Variants in RPN1 observed in about 807,000 individuals in gnomAD.
RPN1 encodes the protein ribophorin I.
In RPN1, 12 loss-of-function variants were observed where a neutral mutation model predicts 55.5. That is an observed-to-expected ratio of 0.22 (90% CI 0.14 to 0.35). The LOEUF (loss-of-function observed/expected upper bound fraction) is 0.35. Ranked by LOEUF, RPN1 falls within the 10% of genes least tolerant of loss-of-function variation. The probability of loss-of-function intolerance (pLI) is 1.00; values close to 1 mark genes in which losing one functional copy is unlikely to be tolerated. For synonymous variants in RPN1, 317 were observed against 305.9 expected (o/e 1.04, Z -0.38); for missense variants, 679 against 761.3 (o/e 0.89, Z 1.27).
chr3:128,626,053 A>G (rs759101345), intron 6 of RPN1, 41 bp from the exon 7 acceptor site: 2 of 1,547,790 alleles, frequency 1.3e-6, no homozygotes, highest in South Asian at 1.2e-5. Context: ...CCAACCAACT[A>G]CATCAATAAA....
chr3:128,631,611 G>A (rs759444426), intron 4 of RPN1, among the ~76,000 whole-genome samples: 13 of 152,102 alleles, frequency 8.5e-5, no homozygotes, highest in Admixed American at 3.3e-4. Context: ...GTGTAGTGGT[G>A]CATGCGTGTA....
chr3:128,638,045 G>C lies in RPN1; in HGVS notation c.387C>G (p.Val129=), dbSNP rs749280827. The C allele has an allele frequency of 2.4e-5, 39 of 1,614,058 alleles. No homozygotes were observed. The highest frequency in any genetic ancestry group is 3.3e-5 in the Non-Finnish European group (39 of 1,179,966). Residue 129 remains valine (V), a synonymous_variant, in exon 3 of 10, where the codon GTC becomes GTG. Transcript: ENST00000296255. ...VALDPGAKIS[V]IVETVYTHVL... ...CATGGGTGTAGACTGTTTCCACAAT[G>C]ACTGAAATCTTGGCCCCAGGATCAA...
chr3:128,644,260 C>T (rs959354305), intron 2 of RPN1, among the ~76,000 whole-genome samples: 3 of 152,200 alleles, frequency 2.0e-5, no homozygotes, highest in Admixed American at 2.0e-4. Flanking sequence ...CAAACTGCCA[C>T]TGCTTAGGGG....
intron 8 of RPN1, among the ~76,000 whole-genome samples, chr3:128,624,551 A>G (rs1262805464): frequency 6.6e-6 from 1 of 151,832 alleles, no homozygotes; most frequent in East Asian, 1.9e-4. Flanking sequence ...CGGCTGGATC[A>G]ACATCTTTGC....
At chr3:128,627,784 A>AAAAC (rs2069610371) in intron 5 of RPN1, among the ~76,000 whole-genome samples, 1 of 5,632 alleles carries the variant, frequency 1.8e-4, no homozygotes. Context: ...AAAAAAAAAA[A>AAAAC]AAAAGATTAA....
At chr3:128,645,843 C>T (rs552874363) in intron 1 of RPN1, among the ~76,000 whole-genome samples, 1 of 152,126 alleles carries the variant, frequency 6.6e-6, no homozygotes, top group South Asian at 2.1e-4. Flanking sequence ...CACACATACA[C>T]AAAAAGATTA....
At chr3:128,644,751 G>A (rs2107721839) in intron 2 of RPN1, 168 bp downstream of exon 2, 1 of 648,352 alleles carries the variant, frequency 1.5e-6, no homozygotes. Context: ...TTGAGCTCAG[G>A]AGTTCAAGAC....
In RPN1 at chr3:128,629,993, C is replaced by T. The variant is rs1359838705; in HGVS notation, c.994G>A (p.Val332Ile). ...LFGGWKTHYI[V>I]GYNLPSYEYL... ...TCATAGCTTGGGAGGTTGTAGCCAA[C>T]GATGTAATGGGTCTTCCACCCGCCA... is the stretch of plus-strand genomic sequence containing the variant. Residue 332 changes from valine to isoleucine, a missense_variant, in exon 5 of 10, where the codon GTT becomes ATT. Physicochemically the swap from Val to Ile is conservative, Grantham distance 29. This residue lies in a region of RPN1 where 306 missense variants were observed against 360.0 expected (regional missense o/e 0.85). Coordinates refer to ENST00000296255, the MANE Select transcript of RPN1 (RefSeq NM_002950.4). The T allele has an allele frequency of 9.3e-6, 15 of 1,613,090 alleles. No individual in the cohort carries two copies. The highest frequency in any genetic ancestry group is 1.2e-5 in the Non-Finnish European group (14 of 1,179,334).
At chr3:128,621,733 C>T (rs1416990068) in intron 9 of RPN1, among the ~76,000 whole-genome samples, 2 of 152,178 alleles carry the variant, frequency 1.3e-5, no homozygotes, top group African/African-American at 4.8e-5. Context: ...TAACAGCATT[C>T]CCATTTTATA....
chr3:128,623,690 T>C (rs548701948), intron 8 of RPN1, among the ~76,000 whole-genome samples: 58 of 152,246 alleles, frequency 3.8e-4, no homozygotes, highest in African/African-American at 1.4e-3. Flanking sequence ...AGCAAAATTA[T>C]GGACTGGATG....
chr3:128,650,480 C>T (rs2069809365), intron 1 of RPN1, 60 bp downstream of exon 1: 1 of 1,467,286 alleles, frequency 6.8e-7, no homozygotes, highest in Admixed American at 2.2e-5. Context: ...GTCGGGGGAC[C>T]GCCAGGAAGG....
At chr3:128,641,442 G>C (rs539755876) in intron 2 of RPN1, among the ~76,000 whole-genome samples, 1 of 151,984 alleles carries the variant, frequency 6.6e-6, no homozygotes, top group Non-Finnish European at 1.5e-5. Context: ...CACTCTGAAA[G>C]CCCAGTTAAC....
intron 3 of RPN1, among the ~76,000 whole-genome samples, chr3:128,636,878 A>G (rs1037329634): frequency 6.6e-6 from 1 of 152,160 alleles, no homozygotes; most frequent in Non-Finnish European, 1.5e-5. Context: ...TAAAATACCC[A>G]TATTTTTTAG....
At position 128,626,827 on chromosome 3, in the gene RPN1, G is replaced by T; in HGVS notation, c.1042C>A (p.Gln348Lys). 6.2e-7 allele frequency: 1 copy of T among 1,613,686 alleles called. No individual in the cohort carries two copies. The highest frequency in any genetic ancestry group is 8.5e-7 in the Non-Finnish European group (1 of 1,179,700). Residue 348 changes from glutamine to lysine, a missense_variant, in exon 6 of 10, where the codon CAG (glutamine) becomes AAG (lysine). Around this residue, in one of 3 missense-constraint regions of RPN1, gnomAD observed 306 missense variants for 360.0 expected, o/e 0.85. Coordinates refer to ENST00000296255, the MANE Select transcript of RPN1 (RefSeq NM_002950.4). ...SYEYLYNLGD[Q>K]YALKMRFVDH... ...ACAAACCTCATCTTCAGTGCATACT[G>T]GTCACCTGAAGGATCAAGCAAGCAT...
rs2069810111 is a variant in RPN1 at position 128,650,537 on chromosome 3, C to A, written c.261+3G>T. ...GCGGCGGCGAGGGGTCGCCCACACTCACCTGCACGCCCAGGTGCGCCAGCC... is the reference window on the plus strand; with the variant it reads ...GCGGCGGCGAGGGGTCGCCCACACTAACCTGCACGCCCAGGTGCGCCAGCC... On this transcript the variant is annotated splice_donor_region_variant and intron_variant, in intron 1 of 9. Coordinates refer to ENST00000296255, the MANE Select transcript of RPN1 (RefSeq NM_002950.4). 1 of 1,538,662 alleles carries A rather than the reference C, an allele frequency of 6.5e-7. No homozygotes were observed. The highest frequency in any genetic ancestry group is 8.7e-7 in the Non-Finnish European group (1 of 1,144,362).
chr3:128,637,936 A>G lies in RPN1; in HGVS notation c.496T>C (p.Tyr166His). 1 of 1,614,236 alleles carries G rather than the reference A, an allele frequency of 6.2e-7. No individual in the cohort carries two copies. The highest frequency in any genetic ancestry group is 8.5e-7 in the Non-Finnish European group (1 of 1,180,048). Residue 166 changes from tyrosine (Y) to histidine (H), a missense_variant, in exon 3 of 10, where the codon TAT (tyrosine) becomes CAT (histidine). Around this residue, in one of 3 missense-constraint regions of RPN1, gnomAD observed 352 missense variants for 352.8 expected, o/e 1.00. Coordinates refer to ENST00000296255, the MANE Select transcript of RPN1 (RefSeq NM_002950.4). ...FEGNHYFYSP[Y>H]PTKTQTMRVK... Reference sequence around the variant, plus strand: ...CGCATGGTTTGTGTCTTCGTTGGATAGGGAGAGTAGAAATAATGGTTCCCC... The same window carrying G: ...CGCATGGTTTGTGTCTTCGTTGGATGGGGAGAGTAGAAATAATGGTTCCCC...
At chr3:128,635,646 T>TAG (rs1559755844) in intron 3 of RPN1, among the ~76,000 whole-genome samples, 16 of 16,770 alleles carry the variant, frequency 9.5e-4, no homozygotes, top group African/African-American at 2.6e-3. Context: ...TATAGATATA[T>TAG]ATATATATAT....
chr3:128,638,754 T>C (rs1273868778), intron 2 of RPN1, among the ~76,000 whole-genome samples: 2 of 151,850 alleles, frequency 1.3e-5, no homozygotes, highest in Non-Finnish European at 2.9e-5. Flanking sequence ...TTTCCTGAGG[T>C]CAGGAGTTCC....
intron 2 of RPN1, among the ~76,000 whole-genome samples, chr3:128,640,388 G>T (rs2069716292): frequency 1.3e-5 from 2 of 152,040 alleles, no homozygotes; most frequent in Non-Finnish European, 2.9e-5. Flanking sequence ...CACAAAACTT[G>T]CATGTCTTTA....
Sources: allele counts gnomAD v4.1 joint callset (sites outside exome capture counted in the v4.1 genomes callset), GRCh38; gene constraint gnomAD v4.1.1; regional missense constraint gnomAD v4.1.1; transcripts MANE v1.5; gene names NCBI Gene and HGNC (gene_info 2026-07-23, HGNC 2026-07-21).